The following LRRC37A2 variants were observed in gnomAD, a reference collection of about 807,000 sequenced individuals.
LRRC37A2 encodes the protein leucine-rich repeat-containing protein 37A2.
Under a neutral mutation model 68.8 loss-of-function variants are expected in LRRC37A2, and 9 were observed. The observed-to-expected ratio is 0.13, with a 90% CI of 0.08 to 0.23. The LOEUF is 0.23. Among genes scored for constraint, LRRC37A2 ranks in the 10% least tolerant of loss-of-function variants. The pLI, the probability that LRRC37A2 is intolerant of heterozygous loss-of-function variation, is 1.00. For missense variants in LRRC37A2, 168 were observed against 950.4 expected (o/e 0.18, Z 10.82); for synonymous variants, 63 against 367.6 (o/e 0.17, Z 9.48).
chr17:46,771,780 GC>G, the LRRC37A2 span, among the ~76,000 whole-genome samples: 2 of 142,792 alleles, frequency 1.4e-5, no homozygotes, highest in Non-Finnish European at 3.1e-5. Flanking sequence ...GCCGCGCCGC[GC>G]CGCGCCGAAT....
the LRRC37A2 span, among the ~76,000 whole-genome samples, chr17:46,589,340 A>AT: frequency 2.0e-3 from 161 of 78,652 alleles, no homozygotes; most frequent in Non-Finnish European, 2.5e-3. Context: ...ATAGGCGTGA[A>AT]TTTTTTTTTT....
the LRRC37A2 span, among the ~76,000 whole-genome samples, chr17:46,877,685 C>T: frequency 7.9e-5 from 12 of 152,214 alleles, no homozygotes; most frequent in African/African-American, 2.7e-4. Context: ...TGGTGACTTC[C>T]TGTGGCTGGG....
chr17:46,727,224 C>A, the LRRC37A2 span, among the ~76,000 whole-genome samples: 1 of 152,112 alleles, frequency 6.6e-6, no homozygotes. Flanking sequence ...TGTTGAAGTG[C>A]ACTCCTACAG....
chr17:46,823,127 A>G, the LRRC37A2 span, among the ~76,000 whole-genome samples: 2 of 132,878 alleles, frequency 1.5e-5, no homozygotes, highest in South Asian at 2.2e-4. Flanking sequence ...TATATTATAT[A>G]TTATATATAT....
chr17:46,935,357 C>G, the LRRC37A2 span: 1 of 1,454,782 alleles, frequency 6.9e-7, no homozygotes, highest in Non-Finnish European at 9.0e-7. Context: ...TACCCAGTTC[C>G]TTTGCCAGTG....
chr17:46,733,050 G>A, the LRRC37A2 span, among the ~76,000 whole-genome samples: 9 of 152,318 alleles, frequency 5.9e-5, no homozygotes, highest in African/African-American at 2.2e-4. Context: ...CCCTGAGCTG[G>A]ACGTACAATT....
the LRRC37A2 span, among the ~76,000 whole-genome samples, chr17:46,779,004 G>C: frequency 6.6e-6 from 1 of 150,614 alleles, no homozygotes; most frequent in Admixed American, 6.7e-5. Context: ...TCTCCAAGAA[G>C]AGAGGTAGTG....
At chr17:46,575,482 T>C in the LRRC37A2 span, among the ~76,000 whole-genome samples, 1 of 146,244 alleles carries the variant, frequency 6.8e-6, no homozygotes, top group African/African-American at 2.5e-5. Context: ...AGAGGCTGAC[T>C]GAGGAGGCAC....
the LRRC37A2 span, among the ~76,000 whole-genome samples, chr17:46,790,418 G>A: frequency 8.5e-5 from 13 of 152,048 alleles, no homozygotes; most frequent in Non-Finnish European, 1.9e-4. Flanking sequence ...GGATTTAAGT[G>A]GTCTAGGTGC....
At chr17:46,899,894 G>A in the LRRC37A2 span, among the ~76,000 whole-genome samples, 1 of 151,680 alleles carries the variant, frequency 6.6e-6, no homozygotes. Flanking sequence ...ATATAGTGGG[G>A]GTAGTTAAGG....
chr17:46,712,870 T>A, the LRRC37A2 span, among the ~76,000 whole-genome samples: 2 of 152,070 alleles, frequency 1.3e-5, no homozygotes, highest in African/African-American at 4.8e-5. Flanking sequence ...AAGAAACATA[T>A]TTTAAGAAAG....
the LRRC37A2 span, among the ~76,000 whole-genome samples, chr17:46,958,075 C>T: frequency 6.6e-6 from 1 of 152,156 alleles, no homozygotes; most frequent in Non-Finnish European, 1.5e-5. Context: ...TCACCTCACC[C>T]GTAACCCATG....
At chr17:46,630,649 G>T in the LRRC37A2 span, 1 of 495,836 alleles carries the variant, frequency 2.0e-6, no homozygotes, top group Non-Finnish European at 3.2e-6. Flanking sequence ...GTGTGATAAG[G>T]TCGTCATAGT....
chr17:46,892,807 T>A, the LRRC37A2 span, among the ~76,000 whole-genome samples: 1 of 152,220 alleles, frequency 6.6e-6, no homozygotes. Flanking sequence ...GGTTGTTCAA[T>A]CTAGTGGCTG....
At chr17:47,013,889 C>T in the LRRC37A2 span, among the ~76,000 whole-genome samples, 1 of 152,216 alleles carries the variant, frequency 6.6e-6, no homozygotes, top group Non-Finnish European at 1.5e-5. Flanking sequence ...AATGCCAGTG[C>T]TTTGGGAGGC....
chr17:46,796,410 C>T, the LRRC37A2 span, among the ~76,000 whole-genome samples: 1 of 152,158 alleles, frequency 6.6e-6, no homozygotes, highest in East Asian at 1.9e-4. Flanking sequence ...TTATCATCAC[C>T]CCTATCTCAG....
At chr17:47,010,140 A>T in the LRRC37A2 span, among the ~76,000 whole-genome samples, 3 of 152,290 alleles carry the variant, frequency 2.0e-5, no homozygotes, top group East Asian at 5.8e-4. Context: ...TGGGTCCCAG[A>T]AGGGGTGGAC....
the LRRC37A2 span, among the ~76,000 whole-genome samples, chr17:46,844,247 GTATCCAGCC>G: frequency 2.0e-5 from 3 of 150,752 alleles, no homozygotes; most frequent in Non-Finnish European, 4.4e-5. Context: ...ATGAGCCACT[GTATCCAGCC>G]TATACTTTAT....
the LRRC37A2 span, among the ~76,000 whole-genome samples, chr17:46,903,220 G>A: frequency 6.6e-6 from 1 of 151,946 alleles, no homozygotes; most frequent in Non-Finnish European, 1.5e-5. Flanking sequence ...GGTGGAGGTT[G>A]CAGTGAGCCA....
Sources: allele counts gnomAD v4.1 joint callset (sites outside exome capture counted in the v4.1 genomes callset), GRCh38; gene constraint gnomAD v4.1.1; transcripts MANE v1.5; gene names NCBI Gene and HGNC (gene_info 2026-07-23, HGNC 2026-07-21).